OR1J2: variants seen among roughly 807,000 people sequenced by gnomAD.
The protein encoded by OR1J2 is olfactory receptor 1J2.
For synonymous variants in OR1J2, 142 were observed against 99.7 expected, an observed-to-expected ratio of 1.42 and a Z score of -2.52; for missense variants, 304 against 246.1, an observed-to-expected ratio of 1.24 and a Z score of -1.57.
chr9:122,486,063 C>T, the OR1J2 span, among the ~76,000 whole-genome samples: 1 of 151,150 alleles, frequency 6.6e-6, no homozygotes, highest in African/African-American at 2.4e-5. Flanking sequence ...CGGGTTCAAG[C>T]AATTCTCCTG....
chr9:122,507,915 A>G (rs1588187918), upstream of OR1J2, among the ~76,000 whole-genome samples: 1 of 152,092 alleles, frequency 6.6e-6, no homozygotes, highest in South Asian at 2.1e-4. Context: ...CAAAAACCTT[A>G]TGGGGTATAA....
chr9:122,553,894 T>C, the OR1J2 span: 5 of 1,614,156 alleles, frequency 3.1e-6, no homozygotes, highest in South Asian at 5.5e-5. Context: ...TTCTGGGCTG[T>C]GTTTGTCATC....
chr9:122,451,705 T>G, the OR1J2 span, among the ~76,000 whole-genome samples: 1 of 152,202 alleles, frequency 6.6e-6, no homozygotes, highest in Admixed American at 6.5e-5. Context: ...AGCAGAAAGA[T>G]TAGACAATGT....
chr9:122,477,460 G>A, the OR1J2 span: 1 of 1,613,980 alleles, frequency 6.2e-7, no homozygotes. Context: ...ATGCAAAAGA[G>A]CACACGCACA....
chr9:122,570,914 T>C, the OR1J2 span, among the ~76,000 whole-genome samples: 1 of 152,330 alleles, frequency 6.6e-6, no homozygotes, highest in African/African-American at 2.4e-5. Context: ...TTATTACTGT[T>C]GCCATTTTTA....
At chr9:122,466,351 C>T in the OR1J2 span, among the ~76,000 whole-genome samples, 1 of 152,078 alleles carries the variant, frequency 6.6e-6, no homozygotes, top group South Asian at 2.1e-4. Flanking sequence ...CAGTTGGCTC[C>T]GGGTTGTATT....
chr9:122,553,757 T>C, the OR1J2 span: 1 of 1,614,088 alleles, frequency 6.2e-7, no homozygotes, highest in African/African-American at 1.3e-5. Flanking sequence ...ATTTCTATTG[T>C]GATCCTAGTG....
the OR1J2 span, chr9:122,519,532 G>A: frequency 8.8e-5 from 142 of 1,613,872 alleles, 2 homozygotes; most frequent in South Asian, 9.2e-4. Context: ...CACCCCCTCC[G>A]CTACACCACT....
At chr9:122,464,600 G>A in the OR1J2 span, among the ~76,000 whole-genome samples, 7 of 152,294 alleles carry the variant, frequency 4.6e-5, no homozygotes, top group Admixed American at 1.3e-4. Context: ...CCTCCTATCC[G>A]CCATTTTCCC....
Position 122,511,655 on chromosome 9 carries a change from T to A in OR1J2, c.854T>A (p.Leu285Ter). ...ATGTACACGGTGGTCACACCCATGTTGAACCCCTTTATCTACAGCCTTAGG... is the reference window on the plus strand; with the variant it reads ...ATGTACACGGTGGTCACACCCATGTAGAACCCCTTTATCTACAGCCTTAGG... ...ALMYTVVTPM[L>*]NPFIYSLRNR... Residue 285 changes from leucine to a stop codon, truncating the protein, a stop_gained, in exon 1 of 1, where the codon TTG (leucine) becomes TAG (stop). Transcript: ENST00000335302. LOFTEE classifies it low-confidence loss of function (END_TRUNC). 1.3e-6 allele frequency: 1 copy of A among 781,114 alleles called. No homozygotes were observed. The highest frequency in any genetic ancestry group is 2.4e-6 in the Non-Finnish European group (1 of 418,130). The allele number at this position is 781,114 out of a possible 1,614,324, so 48.4% of individuals were successfully genotyped here.
At chr9:122,517,690 C>T in the OR1J2 span, among the ~76,000 whole-genome samples, 2 of 151,878 alleles carry the variant, frequency 1.3e-5, no homozygotes. Context: ...GATTTGGTAA[C>T]TTAGGTTTAG....
chr9:122,578,620 C>G, the OR1J2 span, among the ~76,000 whole-genome samples: 7 of 151,918 alleles, frequency 4.6e-5, no homozygotes, highest in Admixed American at 1.3e-4. Context: ...TACTATTTGG[C>G]CATAAAAAGG....
the OR1J2 span, chr9:122,527,272 A>C: frequency 6.2e-7 from 1 of 1,610,040 alleles, no homozygotes; most frequent in Non-Finnish European, 8.5e-7. Flanking sequence ...AAAAATTCAG[A>C]AATGCTGGAT....
At chr9:122,542,470 CT>C in the OR1J2 span, among the ~76,000 whole-genome samples, 1 of 151,956 alleles carries the variant, frequency 6.6e-6, no homozygotes, top group African/African-American at 2.4e-5. Context: ...TCCAGTTGCC[CT>C]GTATTTTCAA....
At chr9:122,473,719 A>G in the OR1J2 span, among the ~76,000 whole-genome samples, 2 of 152,144 alleles carry the variant, frequency 1.3e-5, no homozygotes, top group Non-Finnish European at 2.9e-5. Flanking sequence ...CCGTCTTACT[A>G]TATCAAAGGG....
chr9:122,493,666 CT>C, the OR1J2 span, among the ~76,000 whole-genome samples: 1 of 151,758 alleles, frequency 6.6e-6, no homozygotes, highest in African/African-American at 2.4e-5. Flanking sequence ...TTTGTTTTAT[CT>C]TTTGTATTGT....
chr9:122,519,139 G>T, the OR1J2 span: 8 of 1,584,688 alleles, frequency 5.0e-6, no homozygotes, highest in Non-Finnish European at 6.0e-6. Flanking sequence ...AAGACTGTCA[G>T]CATGAAGAGG....
chr9:122,526,317 C>T, the OR1J2 span: 3 of 1,306,492 alleles, frequency 2.3e-6, no homozygotes, highest in Non-Finnish European at 3.1e-6. Flanking sequence ...TTGTCTGACT[C>T]CAAGCCTATG....
the OR1J2 span, among the ~76,000 whole-genome samples, chr9:122,485,433 T>C: frequency 6.6e-6 from 1 of 152,242 alleles, no homozygotes; most frequent in Non-Finnish European, 1.5e-5. Context: ...ACCATGTCTC[T>C]AAGTTTCTCA....
Sources: allele counts gnomAD v4.1 joint callset (sites outside exome capture counted in the v4.1 genomes callset), GRCh38; gene constraint gnomAD v4.1.1; transcripts MANE v1.5; gene names NCBI Gene and HGNC (gene_info 2026-07-23, HGNC 2026-07-21).